Variants in NTNG2 observed in about 807,000 individuals in gnomAD.
NTNG2 encodes the protein netrin-G2.
Under a neutral mutation model 47.6 loss-of-function variants are expected in NTNG2, and 15 were observed. The observed-to-expected ratio is 0.32, with a 90% confidence interval of 0.21 to 0.49. The LOEUF (loss-of-function observed/expected upper bound fraction) is 0.49, where lower values mean the gene tolerates loss of function less well. Ranked by LOEUF, NTNG2 falls within the 20% of genes least tolerant of loss-of-function variation. NTNG2 has a pLI of 0.99. For missense variants in NTNG2, 578 were observed against 764.6 expected (o/e 0.76, Z 2.88); for synonymous variants, 307 against 324.6 (o/e 0.95, Z 0.58).
Position 132,163,693 on chromosome 9 carries a change from C to T in NTNG2, c.-484+1454C>T, listed in dbSNP as rs1244988997. 6.6e-6 allele frequency among the ~76,000 whole-genome samples: 1 copy of T among 152,244 alleles called. No individual in the cohort carries two copies. Among genetic ancestry groups the T allele is most frequent in the Non-Finnish European group, 1.5e-5 (1 of 68,042 alleles). On this transcript the variant is annotated intron_variant, in intron 1 of 7. Transcript: ENST00000393229. The surrounding 1 kb of genome is among the most constrained non-coding windows in gnomAD (Gnocchi z 7.2). The stretch of plus-strand genomic sequence containing the variant: ...GTGCCCCCAGGGGCCCCGCGCCCGC[C>T]GCGGCAAGTTTCCCACACGGCGAGG...
At chr9:132,172,519 C>T (rs1009337857) in intron 2 of NTNG2, among the ~76,000 whole-genome samples, 1 of 152,132 alleles carries the variant, frequency 6.6e-6, no homozygotes, top group African/African-American at 2.4e-5. Flanking sequence ...GCTGTTGGGA[C>T]CAATTCTGTA....
chr9:132,237,073 G>A (rs1167176100), intron 5 of NTNG2, among the ~76,000 whole-genome samples: 2 of 152,208 alleles, frequency 1.3e-5, no homozygotes, highest in Non-Finnish European at 2.9e-5. Context: ...TGGCTTCCAA[G>A]AAGGTCTTAG....
At chr9:132,194,138 T>A (rs971725079) in intron 2 of NTNG2, among the ~76,000 whole-genome samples, 20 of 151,972 alleles carry the variant, frequency 1.3e-4, no homozygotes, top group Admixed American at 1.3e-4. Flanking sequence ...ATTCAGCCCC[T>A]AGGAAGTCCC....
At chr9:132,240,768 C>A in intron 6 of NTNG2, 142 bp from the exon 7 acceptor site, 1 of 1,292,512 alleles carries the variant, frequency 7.7e-7, no homozygotes, top group Non-Finnish European at 1.1e-6. Context: ...TGCCGTCCAG[C>A]CGCGGGCTCA....
chr9:132,179,418 T>A (rs4962170), intron 2 of NTNG2, among the ~76,000 whole-genome samples: 1 of 151,920 alleles, frequency 6.6e-6, no homozygotes, highest in Non-Finnish European at 1.5e-5. Context: ...CCTAAGCCCA[T>A]CTGCCAGCTG....
At chr9:132,164,169 T>C (rs1105685) in intron 1 of NTNG2, among the ~76,000 whole-genome samples, 32,162 of 152,226 alleles carry the variant, frequency 0.21, 3,646 homozygotes, top group Middle Eastern at 0.25. Context: ...ATTGATTGAC[T>C]AGTTGTAAAC....
chr9:132,161,823 C>T (rs1397865451), upstream of NTNG2: 3 of 150,874 alleles, frequency 2.0e-5, no homozygotes, highest in African/African-American at 7.3e-5. The surrounding 1 kb of genome is among the most constrained non-coding windows in gnomAD (Gnocchi z 7.2). Flanking sequence ...GGGGGGATGC[C>T]CCGGCTCCCC....
intron 3 of NTNG2, among the ~76,000 whole-genome samples, chr9:132,214,278 T>C (rs1839816687): frequency 1.3e-5 from 2 of 152,148 alleles, no homozygotes; most frequent in Admixed American, 1.3e-4. Context: ...CCGCTCACGA[T>C]TTTTGTGGAG....
chr9:132,217,221 C>T (rs1382853413), intron 3 of NTNG2, among the ~76,000 whole-genome samples: 3 of 152,248 alleles, frequency 2.0e-5, no homozygotes, highest in Admixed American at 2.0e-4. Context: ...CACGTAGGAG[C>T]ACTCAGCAAA....
At chr9:132,195,211 C>T (rs1338455209) in intron 2 of NTNG2, among the ~76,000 whole-genome samples, 1 of 151,794 alleles carries the variant, frequency 6.6e-6, no homozygotes, top group Non-Finnish European at 1.5e-5. Context: ...CCCCATGCCA[C>T]CCTCCCCCAC....
In NTNG2 at chr9:132,163,722, C is replaced by T. The variant is rs1835276112; in HGVS notation, c.-484+1483C>T. Among the ~76,000 whole-genome samples, 1 of 152,234 alleles carries T rather than the reference C, an allele frequency of 6.6e-6. No individual in the cohort carries two copies. On this transcript the variant is annotated intron_variant, in intron 1 of 7. Coordinates refer to ENST00000393229, the MANE Select transcript of NTNG2 (RefSeq NM_032536.4). The surrounding 1 kb of genome is among the most constrained non-coding windows in gnomAD (Gnocchi z 7.2). ...GCAAGTTTCCCACACGGCGAGGGCG[C>T]AGCAGGCAACTCCAAGAGGAACCTG... is the stretch of plus-strand genomic sequence containing the variant.
Position 132,208,973 on chromosome 9 carries a change from A to G in NTNG2, c.857+10364A>G, listed in dbSNP as rs542836304. Reference sequence around the variant, plus strand: ...TTTTCAAGGGGTCTCCTTCGTTCTCACTGTGCCTCTGAGGCTTATGGCGTG... The same window carrying G: ...TTTTCAAGGGGTCTCCTTCGTTCTCGCTGTGCCTCTGAGGCTTATGGCGTG... On this transcript the variant is annotated intron_variant, in intron 3 of 7. Coordinates refer to ENST00000393229, the MANE Select transcript of NTNG2 (RefSeq NM_032536.4). The surrounding 1 kb of genome is among the most constrained non-coding windows in gnomAD (Gnocchi z 4.0). 7.0e-4 allele frequency among the ~76,000 whole-genome samples: 107 copies of G among 151,882 alleles called. No homozygotes were observed. The highest frequency in any genetic ancestry group is 1.4e-3 in the Non-Finnish European group (97 of 67,970).
chr9:132,230,059 C>T (rs1487727487), intron 4 of NTNG2, among the ~76,000 whole-genome samples: 7 of 152,342 alleles, frequency 4.6e-5, no homozygotes, highest in Admixed American at 6.5e-5. Flanking sequence ...GAGGACGGCA[C>T]GATTTACGCA....
At chr9:132,234,551 G>C (rs561650695) in intron 5 of NTNG2, among the ~76,000 whole-genome samples, 4 of 152,230 alleles carry the variant, frequency 2.6e-5, no homozygotes, top group Admixed American at 6.5e-5. Context: ...CAGGTGCTTC[G>C]GGCTCTTTGA....
At chr9:132,181,868 G>A (rs1465931102) in intron 2 of NTNG2, among the ~76,000 whole-genome samples, 1 of 152,244 alleles carries the variant, frequency 6.6e-6, no homozygotes, top group Non-Finnish European at 1.5e-5. Flanking sequence ...TGGGCCGCCC[G>A]GCCCGGCATC....
Position 132,231,388 on chromosome 9 carries a change from C to T in NTNG2, c.1054+793C>T, listed in dbSNP as rs952321576. On this transcript the variant is annotated intron_variant, in intron 5 of 7. Coordinates refer to ENST00000393229, the MANE Select transcript of NTNG2 (RefSeq NM_032536.4). This position sits in a 1 kb window ranked among gnomAD's most constrained non-coding sequence, Gnocchi z 4.1. ...GTCAAAGAGCCAGCCGGGAGCAGAC[C>T]CCAAATCTCAGAGATGCTTCTGGGG... is the stretch of plus-strand genomic sequence containing the variant. 1 of 454,670 alleles carries T rather than the reference C, an allele frequency of 2.2e-6. No individual in the cohort carries two copies. Among genetic ancestry groups the T allele is most frequent in the African/African-American group, 2.0e-5 (1 of 49,992 alleles). The allele number at this position is 454,670 out of a possible 1,614,324, so 28.2% of individuals were successfully genotyped here. A position where few individuals can be genotyped will look rare whatever the true frequency, so the allele number is the denominator to read the frequency against.
intron 4 of NTNG2, among the ~76,000 whole-genome samples, chr9:132,229,766 G>A (rs1298770376): frequency 6.6e-6 from 1 of 152,206 alleles, no homozygotes; most frequent in Non-Finnish European, 1.5e-5. Context: ...AAGCCCATGG[G>A]CCACACATCC....
intron 2 of NTNG2, among the ~76,000 whole-genome samples, chr9:132,178,513 T>C (rs73561506): frequency 0.1 from 15,279 of 152,072 alleles, 1,223 homozygotes; most frequent in African/African-American, 0.2. Context: ...GATAAGCATG[T>C]TACAGTGAAA....
intron 2 of NTNG2, among the ~76,000 whole-genome samples, chr9:132,176,232 C>T (rs1369804104): frequency 6.6e-6 from 1 of 152,046 alleles, no homozygotes; most frequent in African/African-American, 2.4e-5. Context: ...GCCTTTTAAA[C>T]TATTTTACAA....
Sources: gnomAD v4.1 joint callset for allele counts (sites outside exome capture counted in the v4.1 genomes callset) on GRCh38, gnomAD v4.1.1 for gene constraint, Gnocchi (gnomAD v3.1) non-coding constraint, MANE v1.5 for transcripts, NCBI Gene and HGNC (gene_info 2026-07-23, HGNC 2026-07-21) for gene names.